Variants in GPR180 observed in about 807,000 individuals in gnomAD.
The protein encoded by GPR180 is G protein-coupled receptor 180, also known as integral membrane protein GPR180.
GPR180 carries 53 observed loss-of-function variants against 52.6 expected under a neutral mutation model. The observed-to-expected ratio is 1.01, with a 90% CI of 0.81 to 1.27. The LOEUF is 1.27. Among genes scored for constraint, GPR180 ranks in the 50% most tolerant of loss-of-function variants. The pLI is 0.00. For missense variants in GPR180, 533 were observed against 527.0 expected (o/e 1.01, Z -0.11); for synonymous variants, 200 against 193.1 (o/e 1.04, Z -0.30).
At chr13:94,621,374 A>T (rs1889849771) in intron 6 of GPR180, 139 bp downstream of exon 6, 2 of 586,768 alleles carry the variant, frequency 3.4e-6, no homozygotes, top group Middle Eastern at 3.7e-4. Flanking sequence ...GAGCTTCTAC[A>T]ATTTGTGTCA....
Position 94,619,488 on chromosome 13 carries a change from G to C in GPR180, c.707G>C (p.Gly236Ala). The change falls in exon 5 of 9, where the codon GGG becomes GCG. Residue 236 changes from glycine to alanine, a missense_variant. Coordinates refer to ENST00000376958, the MANE Select transcript of GPR180 (RefSeq NM_180989.6). ...CTCAGTTACTCCAAAGATGGAATAG[G>C]GGTACCATTTATGGGAAGTTTGGCA... Reference protein sequence around the residue: ...HFSSYSKDGIGVPFMGSLAEF... With the variant: ...HFSSYSKDGIAVPFMGSLAEF... 1.2e-6 allele frequency: 2 copies of C among 1,613,368 alleles called. No individual in the cohort carries two copies. The highest frequency in any genetic ancestry group is 8.5e-7 in the Non-Finnish European group (1 of 1,179,620).
At chr13:94,622,530 A>G (rs1036195945) in intron 6 of GPR180, among the ~76,000 whole-genome samples, 7 of 152,204 alleles carry the variant, frequency 4.6e-5, no homozygotes, top group Non-Finnish European at 7.4e-5. Flanking sequence ...ACATATTAGC[A>G]TATGTATATG....
In GPR180 at chr13:94,623,150, T is replaced by C; in HGVS notation, c.936T>C (p.His312=). ...GGGAACAGTTTGAAGATATCAGTCA[T>C]CATAGCTACCATTCACACCACAACT... The part of the protein sequence containing the change: ...LLWEQFEDIS[H]HSYHSHHNLA... The change falls in exon 7 of 9, where the codon CAT becomes CAC. Residue 312 remains histidine, a synonymous_variant. Coordinates refer to ENST00000376958, the MANE Select transcript of GPR180 (RefSeq NM_180989.6). 1 of 1,614,044 alleles carries C rather than the reference T, an allele frequency of 6.2e-7. No individual in the cohort carries two copies. Among genetic ancestry groups the C allele is most frequent in the East Asian group, 2.2e-5 (1 of 44,862 alleles).
chr13:94,602,865 A>G lies in GPR180; in HGVS notation c.145+793A>G, dbSNP rs534003716. On this transcript the variant is annotated intron_variant, in intron 1 of 8. Coordinates refer to ENST00000376958, the MANE Select transcript of GPR180 (RefSeq NM_180989.6). ...TGTTTTTCTTGGTACTCTTAATTTGACTAGTGCTGTATTTCAAATAATTAT... is the reference window on the plus strand; with the variant it reads ...TGTTTTTCTTGGTACTCTTAATTTGGCTAGTGCTGTATTTCAAATAATTAT... 3.9e-5 allele frequency among the ~76,000 whole-genome samples: 6 copies of G among 152,286 alleles called. 1 individual carries two copies. The South Asian group carries it at 1.2e-3, about 32-fold the overall frequency.
intron 2 of GPR180, among the ~76,000 whole-genome samples, chr13:94,609,861 A>G (rs963425132): frequency 3.9e-5 from 6 of 152,082 alleles, no homozygotes; most frequent in Non-Finnish European, 5.9e-5. Context: ...CCACCAATGA[A>G]CGAAATTCCC....
rs148508298 is a variant in GPR180, at chr13:94,623,267, A to C, written c.1053A>C (p.Thr351=). The change falls in exon 7 of 9, where the codon ACA becomes ACC. Residue 351 remains threonine, a synonymous_variant. Transcript: ENST00000376958. ...LYQIITVERS[T]LKREFYITFA... ...AGATCATCACAGTGGAGAGAAGTAC[A>C]CTCAAAAGGGAGTTCTACATCACAT... 6 of 1,613,558 alleles carry C rather than the reference A, an allele frequency of 3.7e-6. No homozygotes were observed. The highest frequency in any genetic ancestry group is 4.2e-6 in the Non-Finnish European group (5 of 1,179,838).
At position 94,630,888 on chromosome 13, in the gene GPR180, G is replaced by A. The variant is rs1889986336; in HGVS notation, c.*3717G>A. 6.6e-6 allele frequency: 1 copy of A among 152,244 alleles called. No homozygotes were observed. Among genetic ancestry groups the A allele is most frequent in the African/African-American group, 2.4e-5 (1 of 41,460 alleles). The allele number at this position is 152,244 out of a possible 1,614,324, so 9.4% of individuals were successfully genotyped here. Reference sequence around the variant, plus strand: ...CTTCCATGCATAATTTCAGGACAATGTAGGCCATAAGAAATGTTTGATACA... The same window carrying A: ...CTTCCATGCATAATTTCAGGACAATATAGGCCATAAGAAATGTTTGATACA... On this transcript the variant is annotated 3_prime_UTR_variant, in exon 9 of 9. Transcript: ENST00000376958.
rs1313945530 is a variant in GPR180, at chr13:94,619,487, G to C, written c.706G>C (p.Gly236Arg). Residue 236 changes from glycine to arginine, a missense_variant, in exon 5 of 9, where the codon GGG (glycine) becomes CGG (arginine). Transcript: ENST00000376958. ...HFSSYSKDGI[G>R]VPFMGSLAEF... ...CCTCAGTTACTCCAAAGATGGAATA[G>C]GGGTACCATTTATGGGAAGTTTGGC... is the stretch of plus-strand genomic sequence containing the variant. 1.2e-6 allele frequency: 2 copies of C among 1,613,478 alleles called. No homozygotes were observed. Among genetic ancestry groups the C allele is most frequent in the South Asian group, 1.1e-5 (1 of 90,964 alleles).
Position 94,633,009 on chromosome 13 carries a change from A to G in GPR180, c.*5838A>G, listed in dbSNP as rs145006156. On this transcript the variant is annotated 3_prime_UTR_variant, in exon 9 of 9. Coordinates refer to ENST00000376958, the MANE Select transcript of GPR180 (RefSeq NM_180989.6). ...AGGGCACAGAAACTTTGTGTTTGGG[A>G]TCCTCTTACACCTTGCTCTATGTAT... 1 of 152,222 alleles carries G rather than the reference A, an allele frequency of 6.6e-6. No homozygotes were observed. The highest frequency in any genetic ancestry group is 1.5e-5 in the Non-Finnish European group (1 of 68,110). 9.4% of individuals were successfully genotyped at this position (152,222 alleles called of 1,614,324 possible).
intron 1 of GPR180, 123 bp from the exon 2 acceptor site, chr13:94,605,268 C>T (rs1041597634): frequency 3.5e-5 from 28 of 804,336 alleles, no homozygotes; most frequent in Non-Finnish European, 5.2e-5. Flanking sequence ...CCTAGTTAAG[C>T]GAGATTTAAG....
At position 94,624,315 on chromosome 13, in the gene GPR180, C is replaced by T. The variant is rs191680253; in HGVS notation, c.1086+1015C>T. Among the ~76,000 whole-genome samples, 109 of 152,268 alleles carry T rather than the reference C, an allele frequency of 7.2e-4. 2 individuals carry two copies. Among genetic ancestry groups the T allele is most frequent in the Admixed American group, 6.4e-3 (98 of 15,294 alleles). ...TTCTGTTCAGGCAGCCCACCTTGTC[C>T]AGAGTTATTGGCCGTTATTCTGAGG... On this transcript the variant is annotated intron_variant, in intron 7 of 8. Transcript: ENST00000376958.
At position 94,629,982 on chromosome 13, in the gene GPR180, T is replaced by G. The variant is rs1889973637; in HGVS notation, c.*2811T>G. 6.6e-6 allele frequency: 1 copy of G among 152,266 alleles called. No homozygotes were observed. The highest frequency in any genetic ancestry group is 2.1e-4 in the South Asian group (1 of 4,836). The allele number at this position is 152,266 out of a possible 1,614,324, so 9.4% of individuals were successfully genotyped here. On this transcript the variant is annotated 3_prime_UTR_variant, in exon 9 of 9. Coordinates refer to ENST00000376958, the MANE Select transcript of GPR180 (RefSeq NM_180989.6). ...TTTGGAATTTGGAAATTTGGAATTA[T>G]CTGTGAAACATTTTCTTAAATAGCT...
intron 3 of GPR180, among the ~76,000 whole-genome samples, chr13:94,612,686 G>A (rs556078732): frequency 2.0e-5 from 3 of 152,238 alleles, no homozygotes; most frequent in African/African-American, 7.2e-5. Flanking sequence ...TTGTTTGCTT[G>A]TTTGTTTTGG....
intron 3 of GPR180, among the ~76,000 whole-genome samples, chr13:94,614,171 C>T (rs1396281236): frequency 6.6e-6 from 1 of 152,204 alleles, no homozygotes; most frequent in Admixed American, 6.5e-5. Flanking sequence ...ACACAGCCTT[C>T]AGGTCCTTTT....
chr13:94,603,728 T>C (rs1290672780), intron 1 of GPR180, among the ~76,000 whole-genome samples: 2 of 152,086 alleles, frequency 1.3e-5, no homozygotes, highest in Non-Finnish European at 2.9e-5. Flanking sequence ...GTGGTAATTA[T>C]AGTAATAAAA....
chr13:94,626,025 C>T lies in GPR180; in HGVS notation c.1146C>T (p.Ser382=), dbSNP rs1407805518. 8 of 1,608,144 alleles carry T rather than the reference C, an allele frequency of 5.0e-6. No homozygotes were observed. Among genetic ancestry groups the T allele is most frequent in the South Asian group, 3.3e-5 (3 of 90,708 alleles). ...TTGCATGCATTTCTGTCATTTTTAG[C>T]GACTACCAAAGAGACAAGGTAAGAA... ...PVLACISVIF[S]DYQRDKVITI... is the part of the protein sequence containing the mutation. Residue 382 remains serine, a synonymous_variant, in exon 8 of 9, where the codon AGC becomes AGT. Coordinates refer to ENST00000376958, the MANE Select transcript of GPR180 (RefSeq NM_180989.6).
intron 1 of GPR180, 60 bp downstream of exon 1, chr13:94,602,132 C>A (rs559059999): frequency 2.4e-6 from 3 of 1,248,212 alleles, no homozygotes; most frequent in African/African-American, 3.1e-5. Flanking sequence ...CGGCTGAGTC[C>A]GCCGGCCGCT....
Position 94,601,975 on chromosome 13 carries a change from G to A in GPR180, c.48G>A (p.Trp16Ter). ...LLAVALTCCW[W>*]PQGSQGKTLR... ...CTGTGGCCCTCACGTGCTGCTGGTG[G>A]CCGCAGGGCAGCCAGGGTAAGACCC... Residue 16 changes from tryptophan (W) to a stop codon, truncating the protein, a stop_gained, in exon 1 of 9, where the codon TGG (tryptophan) becomes TGA (stop). Transcript: ENST00000376958. LOFTEE classifies it high-confidence loss of function. 1 of 1,496,080 alleles carries A rather than the reference G, an allele frequency of 6.7e-7. No individual in the cohort carries two copies. The highest frequency in any genetic ancestry group is 8.9e-7 in the Non-Finnish European group (1 of 1,127,994). 92.7% of individuals were successfully genotyped at this position (1,496,080 alleles called of 1,614,324 possible).
intron 6 of GPR180, among the ~76,000 whole-genome samples, chr13:94,622,442 G>T (rs1254717778): frequency 6.6e-6 from 1 of 152,148 alleles, no homozygotes; most frequent in East Asian, 1.9e-4. Context: ...ATATAGCTCT[G>T]ATCTTCAACA....
Sources: allele counts gnomAD v4.1 joint callset (sites outside exome capture counted in the v4.1 genomes callset), GRCh38; gene constraint gnomAD v4.1.1; transcripts MANE v1.5; gene names NCBI Gene and HGNC (gene_info 2026-07-23, HGNC 2026-07-21).